Variants in CNTN5 observed in about 807,000 individuals in gnomAD.
CNTN5 encodes contactin 5.
CNTN5 carries 77 observed loss-of-function variants against 129.1 expected under a neutral mutation model. The observed-to-expected ratio is 0.60, with a 90% CI of 0.50 to 0.72. The LOEUF (loss-of-function observed/expected upper bound fraction) is 0.72. Ranked by LOEUF, CNTN5 falls within the 30% of genes least tolerant of loss-of-function variation. The pLI is 0.00. For missense variants in CNTN5, 1,478 were observed against 1,328.8 expected (o/e 1.11, Z -1.75); for synonymous variants, 509 against 465.6 (o/e 1.09, Z -1.20).
chr11:99,777,779 A>G (rs1815118882), intron 3 of CNTN5, among the ~76,000 whole-genome samples: 2 of 151,816 alleles, frequency 1.3e-5, no homozygotes, highest in Admixed American at 1.3e-4. Context: ...AGTGCTAATT[A>G]TACAATTCCA....
At chr11:99,483,413 A>AT (rs764872312) in intron 2 of CNTN5, among the ~76,000 whole-genome samples, 20 of 151,980 alleles carry the variant, frequency 1.3e-4, no homozygotes, top group African/African-American at 2.4e-4. Context: ...CACTTGAGGC[A>AT]TTTTTCCCTT....
At chr11:99,608,513 A>AATCCAGTAAGCCTGGTTTCCTTAT (rs1950499680) in intron 3 of CNTN5, among the ~76,000 whole-genome samples, 1 of 152,192 alleles carries the variant, frequency 6.6e-6, no homozygotes, top group Non-Finnish European at 1.5e-5. Flanking sequence ...ATTGGGACCT[A>AATCCAGTAAGCCTGGTTTCCTTAT]ATCCAGTAAG....
At chr11:99,950,784 C>T (rs1003554847) in intron 7 of CNTN5, among the ~76,000 whole-genome samples, 17 of 152,122 alleles carry the variant, frequency 1.1e-4, no homozygotes, top group Non-Finnish European at 7.3e-5. Context: ...ACCACGTAGA[C>T]ATTATTGTCC....
At chr11:100,153,725 A>G (rs1947140593) in intron 13 of CNTN5, among the ~76,000 whole-genome samples, 1 of 152,100 alleles carries the variant, frequency 6.6e-6, no homozygotes, top group Admixed American at 6.6e-5. Context: ...ATTAATGCTG[A>G]CTATAATTTC....
chr11:99,783,894 G>A (rs552950571), intron 3 of CNTN5, among the ~76,000 whole-genome samples: 29 of 151,556 alleles, frequency 1.9e-4, no homozygotes, highest in East Asian at 1.6e-3. Flanking sequence ...TGGGTGCAGT[G>A]CACCAGCATG....
intron 1 of CNTN5, among the ~76,000 whole-genome samples, chr11:99,048,185 T>A (rs931311607): frequency 3.9e-5 from 6 of 152,042 alleles, no homozygotes; most frequent in African/African-American, 1.4e-4. Context: ...TGATAGTAAA[T>A]CAGACTGTGA....
intron 3 of CNTN5, among the ~76,000 whole-genome samples, chr11:99,586,026 C>T (rs1001934326): frequency 1.3e-5 from 2 of 152,156 alleles, no homozygotes; most frequent in East Asian, 3.9e-4. Context: ...TATAATATAT[C>T]ATATCATTTA....
chr11:99,149,969 T>G (rs1859969101), intron 1 of CNTN5, among the ~76,000 whole-genome samples: 1 of 152,114 alleles, frequency 6.6e-6, no homozygotes, highest in African/African-American at 2.4e-5. Context: ...CACTTAGATC[T>G]TTAGAGCTTA....
chr11:99,938,846 G>C (rs140533175), intron 7 of CNTN5, among the ~76,000 whole-genome samples: 92 of 152,168 alleles, frequency 6.0e-4, no homozygotes, highest in Non-Finnish European at 1.2e-3. Flanking sequence ...TAGTCTAGGT[G>C]ATAGAAATAA....
intron 2 of CNTN5, among the ~76,000 whole-genome samples, chr11:99,327,975 A>C (rs1865851024): frequency 6.6e-6 from 1 of 152,186 alleles, no homozygotes; most frequent in Non-Finnish European, 1.5e-5. Context: ...GATTTTTAGC[A>C]TTGCCAGGAT....
chr11:99,584,488 T>G (rs1949725567), intron 3 of CNTN5, among the ~76,000 whole-genome samples: 1 of 152,172 alleles, frequency 6.6e-6, no homozygotes, highest in Admixed American at 6.6e-5. Context: ...ACATTGTTAC[T>G]AATGGAGCAA....
intron 1 of CNTN5, among the ~76,000 whole-genome samples, chr11:99,063,758 T>A (rs1864983772): frequency 6.6e-6 from 1 of 152,114 alleles, no homozygotes; most frequent in Non-Finnish European, 1.5e-5. Flanking sequence ...CTTTTTGAAA[T>A]TTTAAGAAGT....
intron 9 of CNTN5, among the ~76,000 whole-genome samples, chr11:100,013,167 A>T (rs1277976191): frequency 6.6e-6 from 1 of 152,130 alleles, no homozygotes; most frequent in East Asian, 1.9e-4. Flanking sequence ...GTGGAGTAAT[A>T]GTCAATGGAG....
intron 2 of CNTN5, among the ~76,000 whole-genome samples, chr11:99,430,078 C>T (rs1271064554): frequency 1.3e-5 from 2 of 151,934 alleles, no homozygotes; most frequent in Admixed American, 1.3e-4. Context: ...AAGCAGAAGA[C>T]CTCAAAAGAG....
chr11:99,129,338 C>T (rs1858813303), intron 1 of CNTN5, among the ~76,000 whole-genome samples: 1 of 151,928 alleles, frequency 6.6e-6, no homozygotes, highest in Non-Finnish European at 1.5e-5. Flanking sequence ...ATTGACCAGG[C>T]AGAAGAGAGA....
intron 1 of CNTN5, among the ~76,000 whole-genome samples, chr11:99,027,540 A>G (rs1863160765): frequency 6.6e-6 from 1 of 151,684 alleles, no homozygotes; most frequent in Non-Finnish European, 1.5e-5. Flanking sequence ...TTAATAGACA[A>G]CAAATTTGAA....
At chr11:99,481,494 G>A (rs1295446128) in intron 2 of CNTN5, among the ~76,000 whole-genome samples, 2 of 152,156 alleles carry the variant, frequency 1.3e-5, no homozygotes, top group East Asian at 1.9e-4. Flanking sequence ...AAAATACATT[G>A]ACTTTTAATG....
chr11:99,897,588 G>C (rs1000537311), intron 6 of CNTN5, among the ~76,000 whole-genome samples: 25 of 152,092 alleles, frequency 1.6e-4, no homozygotes, highest in African/African-American at 5.8e-4. Flanking sequence ...TCCCAGACAA[G>C]CAATTACTGA....
chr11:99,613,024 T>C (rs1291090104), intron 3 of CNTN5, among the ~76,000 whole-genome samples: 4 of 152,152 alleles, frequency 2.6e-5, no homozygotes, highest in African/African-American at 9.7e-5. Flanking sequence ...CCAGGAAGTT[T>C]GGAAGCCAAA....
Sources: allele counts gnomAD v4.1 joint callset (sites outside exome capture counted in the v4.1 genomes callset), GRCh38; gene constraint gnomAD v4.1.1; transcripts MANE v1.5; gene names NCBI Gene and HGNC (gene_info 2026-07-23, HGNC 2026-07-21).